The following RGPD8 variants were observed in gnomAD, a reference collection of about 807,000 sequenced individuals.
RGPD8 encodes the protein RANBP2 like and GRIP domain containing 8.
RGPD8 carries 15 observed loss-of-function variants against 89.1 expected under a neutral mutation model. The ratio of observed to expected loss-of-function variants is 0.17; its 90% CI spans 0.11 to 0.26. The LOEUF (loss-of-function observed/expected upper bound fraction) is 0.26. Ranked by LOEUF, RGPD8 falls within the 10% of genes least tolerant of loss-of-function variation. RGPD8 has a pLI of 1.00. For synonymous variants in RGPD8, 62 were observed against 420.9 expected (o/e 0.15, Z 10.44); for missense variants, 178 against 1,179.6 (o/e 0.15, Z 12.44).
intron 3 of RGPD8, 25 bp downstream of exon 3, chr2:112,422,523 G>C: frequency 6.2e-7 from 1 of 1,609,256 alleles, no homozygotes; most frequent in South Asian, 1.1e-5. Flanking sequence ...CTATGCAAAG[G>C]CTATATTTGA....
intron 1 of RGPD8, among the ~76,000 whole-genome samples, chr2:112,428,153 G>T (rs1302365447): frequency 6.6e-6 from 1 of 152,238 alleles, no homozygotes; most frequent in African/African-American, 2.4e-5. Flanking sequence ...TTTCAAAATT[G>T]CAAAAAAAAT....
Position 112,390,051 on chromosome 2 carries a change from G to A in RGPD8, c.2894C>T (p.Thr965Ile). The A allele has an allele frequency of 6.3e-7, 1 of 1,576,434 alleles. No homozygotes were observed. Among genetic ancestry groups the A allele is most frequent in the South Asian group, 1.1e-5 (1 of 89,142 alleles). ...KKGRGVIFGQTSSTFTFADVA... is the reference protein window; with the variant it reads ...KKGRGVIFGQISSTFTFADVA... ...ATCTGCAAATGTAAAAGTGCTACTTGTTTGGCCAAAAATCACACCACGGCC... is the reference window on the plus strand; with the variant it reads ...ATCTGCAAATGTAAAAGTGCTACTTATTTGGCCAAAAATCACACCACGGCC... The change falls in exon 20 of 23, where the codon ACA (threonine) becomes ATA (isoleucine). Residue 965 changes from threonine (T) to isoleucine (I), a missense_variant. Physicochemically the swap from Thr to Ile is moderately conservative, Grantham distance 89 (BLOSUM62 -1). Transcript: ENST00000302558.
chr2:112,387,155 A>G (rs1429063397), intron 20 of RGPD8: 1 of 21,846 alleles, frequency 4.6e-5, no homozygotes, highest in Non-Finnish European at 9.2e-5. Flanking sequence ...AGAATATTTC[A>G]TTTTTTAACA....
Position 112,433,578 on chromosome 2 carries a change from T to C in RGPD8, c.-125A>G. 9.6e-7 allele frequency: 1 copy of C among 1,044,044 alleles called. No individual in the cohort carries two copies. Among genetic ancestry groups the C allele is most frequent in the East Asian group, 2.7e-5 (1 of 36,986 alleles). 64.7% of individuals were successfully genotyped at this position (1,044,044 alleles called of 1,614,324 possible). A position where few individuals can be genotyped will look rare whatever the true frequency, so the allele number is the denominator to read the frequency against. ...CGGCGTAGCCGGCGGAGGCCCACTG[T>C]GACGAGCGTGCGGCGCCGCCCACGG... On this transcript the variant is annotated 5_prime_UTR_variant, in exon 1 of 23. Transcript: ENST00000302558.
chr2:112,410,833 C>T (rs1188743722), intron 7 of RGPD8, among the ~76,000 whole-genome samples: 2 of 152,278 alleles, frequency 1.3e-5, no homozygotes, highest in Admixed American at 1.3e-4. Flanking sequence ...TGCCTGTAAT[C>T]CCAGCACTTT....
At chr2:112,387,214 C>T (rs1678490537) in intron 20 of RGPD8, 1 of 41,866 alleles carries the variant, frequency 2.4e-5, no homozygotes, top group Middle Eastern at 9.6e-3. Context: ...AAGCCAGAAT[C>T]CCTCAATTTA....
intron 9 of RGPD8, among the ~76,000 whole-genome samples, chr2:112,402,523 G>GAAAAGAA (rs1452003281): frequency 1.8e-4 from 27 of 152,064 alleles, no homozygotes; most frequent in Non-Finnish European, 3.8e-4. Context: ...GAAAAGAAAA[G>GAAAAGAA]AAAAGAAAAG....
intron 1 of RGPD8, among the ~76,000 whole-genome samples, chr2:112,430,460 A>C (rs1679979877): frequency 6.6e-6 from 1 of 152,008 alleles, no homozygotes; most frequent in African/African-American, 2.4e-5. Flanking sequence ...GGGGGAAAAA[A>C]AGACTCTAAG....
intron 1 of RGPD8, among the ~76,000 whole-genome samples, chr2:112,429,527 A>C (rs1315303306): frequency 6.6e-6 from 1 of 151,846 alleles, no homozygotes; most frequent in African/African-American, 2.4e-5. Flanking sequence ...TGAAGTATAG[A>C]TGTAAAGGGC....
At chr2:112,425,993 G>A (rs941032504) in intron 1 of RGPD8, among the ~76,000 whole-genome samples, 2 of 151,930 alleles carry the variant, frequency 1.3e-5, no homozygotes, top group Non-Finnish European at 2.9e-5. Flanking sequence ...CACTGTGGCT[G>A]TAACTTTTGC....
chr2:112,380,850 T>C lies in RGPD8; in HGVS notation c.5035A>G (p.Asn1679Asp), dbSNP rs1323467277. The change falls in exon 21 of 23, where the codon AAT becomes GAT. Residue 1679 changes from asparagine (N) to aspartate (D), a missense_variant. Transcript: ENST00000302558. ...NGLLREIEATNAVLMEQIKLL... is the reference protein window; with the variant it reads ...NGLLREIEATDAVLMEQIKLL... ...TTAATTTGCTCCATAAGGACTGCAT[T>C]GGTTGCCTCTATTTCCCGAAGCAGG... 2.1e-6 allele frequency: 3 copies of C among 1,427,298 alleles called. No individual in the cohort carries two copies. The Admixed American group carries it at 5.8e-5, about 28-fold the overall frequency. 88.4% of individuals were successfully genotyped at this position (1,427,298 alleles called of 1,614,324 possible).
intron 1 of RGPD8, among the ~76,000 whole-genome samples, chr2:112,429,830 C>T (rs1055394960): frequency 1.3e-5 from 2 of 152,012 alleles, no homozygotes; most frequent in Admixed American, 1.3e-4. Context: ...TTTTTGGAGA[C>T]AGAGTCTCGC....
At chr2:112,425,906 A>G (rs1343538438) in intron 1 of RGPD8, among the ~76,000 whole-genome samples, 1 of 152,218 alleles carries the variant, frequency 6.6e-6, no homozygotes, top group Non-Finnish European at 1.5e-5. Flanking sequence ...GTTGCCATCA[A>G]TCGAAACATG....
chr2:112,419,362 C>CA (rs1255282154), intron 4 of RGPD8, among the ~76,000 whole-genome samples: 57 of 124,806 alleles, frequency 4.6e-4, no homozygotes, highest in Non-Finnish European at 8.7e-4. Context: ...ACCCTGGCCT[C>CA]TCCCTATTGC....
At chr2:112,431,308 G>C (rs1473618477) in intron 1 of RGPD8, among the ~76,000 whole-genome samples, 5 of 152,108 alleles carry the variant, frequency 3.3e-5, no homozygotes, top group Non-Finnish European at 7.4e-5. Flanking sequence ...GGAGTTACAG[G>C]AACCCTCAAT....
intron 22 of RGPD8, among the ~76,000 whole-genome samples, chr2:112,377,289 T>TGTCTG (rs201900967): frequency 1.3e-5 from 1 of 78,918 alleles, no homozygotes; most frequent in Non-Finnish European, 2.6e-5. Flanking sequence ...AGTTTTTTTT[T>TGTCTG]TTTTTTTTTT....
chr2:112,380,765 T>A, intron 21 of RGPD8, 59 bp downstream of exon 21: 3 of 1,368,574 alleles, frequency 2.2e-6, no homozygotes, highest in Non-Finnish European at 3.0e-6. Flanking sequence ...TGCATGTGTA[T>A]GGAAGGTCCA....
chr2:112,402,533 GGTT>G (rs1574004715), intron 9 of RGPD8, among the ~76,000 whole-genome samples: 6 of 150,718 alleles, frequency 4.0e-5, no homozygotes, highest in Middle Eastern at 3.5e-3. Context: ...GAAAAGAAAA[GGTT>G]ATGCGCTTCT....
At chr2:112,410,803 G>A (rs1399213936) in intron 7 of RGPD8, among the ~76,000 whole-genome samples, 1 of 152,052 alleles carries the variant, frequency 6.6e-6, no homozygotes. Flanking sequence ...ATTTATATTA[G>A]GCAGGGCATG....
Sources: allele counts gnomAD v4.1 joint callset (sites outside exome capture counted in the v4.1 genomes callset), GRCh38; gene constraint gnomAD v4.1.1; transcripts MANE v1.5; gene names NCBI Gene and HGNC (gene_info 2026-07-23, HGNC 2026-07-21).